The following ATXN7L1 variants were observed in gnomAD, a reference collection of about 807,000 sequenced individuals.
The protein encoded by ATXN7L1 is ataxin-7-like protein 1.
In ATXN7L1, 15 loss-of-function variants were observed where a neutral mutation model predicts 70.8. The ratio of observed to expected loss-of-function variants is 0.21; its 90% CI spans 0.14 to 0.33. ATXN7L1 has a LOEUF of 0.33. Ranked by LOEUF, ATXN7L1 falls within the 10% of genes least tolerant of loss-of-function variation. ATXN7L1 has a pLI of 1.00. For missense variants in ATXN7L1, 975 were observed against 1,097.1 expected, an observed-to-expected ratio of 0.89 and a Z score of 1.57; for synonymous variants, 440 against 445.1, an observed-to-expected ratio of 0.99 and a Z score of 0.14.
intron 8 of ATXN7L1, among the ~76,000 whole-genome samples, chr7:105,621,971 G>A (rs1343155650): frequency 6.6e-6 from 1 of 152,190 alleles, no homozygotes; most frequent in African/African-American, 2.4e-5. Context: ...GCACCTTCAT[G>A]TTAAGTGCTT....
At chr7:105,761,953 G>A (rs1318763786) in intron 3 of ATXN7L1, among the ~76,000 whole-genome samples, 1 of 152,202 alleles carries the variant, frequency 6.6e-6, no homozygotes, top group East Asian at 1.9e-4. Flanking sequence ...CCCTGGGGAT[G>A]ATAGGGGAGA....
At chr7:105,781,223 G>A (rs1282470749) in intron 3 of ATXN7L1, among the ~76,000 whole-genome samples, 10 of 150,288 alleles carry the variant, frequency 6.7e-5, no homozygotes, top group Admixed American at 6.7e-4. Context: ...AGGTAGTTAT[G>A]TAACTATATT....
intron 2 of ATXN7L1, among the ~76,000 whole-genome samples, chr7:105,810,541 G>A (rs1808280421): frequency 6.6e-6 from 1 of 152,254 alleles, no homozygotes; most frequent in African/African-American, 2.4e-5. Context: ...TATCTGAGCA[G>A]ACTAGAAGAA....
At chr7:105,858,370 T>C (rs1816046141) in intron 2 of ATXN7L1, among the ~76,000 whole-genome samples, 1 of 152,230 alleles carries the variant, frequency 6.6e-6, no homozygotes, top group Admixed American at 6.5e-5. Flanking sequence ...ATGGGAAAGA[T>C]GTCTTCTATA....
chr7:105,735,425 A>G (rs1563051178), intron 3 of ATXN7L1, among the ~76,000 whole-genome samples: 2 of 152,156 alleles, frequency 1.3e-5, no homozygotes, highest in Non-Finnish European at 2.9e-5. Context: ...TTTTTTTAAC[A>G]TGGTAAGGCA....
At chr7:105,786,201 G>A (rs1333013717) in intron 3 of ATXN7L1, among the ~76,000 whole-genome samples, 1 of 152,218 alleles carries the variant, frequency 6.6e-6, no homozygotes. Flanking sequence ...GCTTAACGGA[G>A]ACTGGGCTTT....
At chr7:105,787,327 G>A (rs1003902888) in intron 3 of ATXN7L1, among the ~76,000 whole-genome samples, 9 of 152,146 alleles carry the variant, frequency 5.9e-5, no homozygotes, top group African/African-American at 1.9e-4. Context: ...GCAGGGAGGG[G>A]CAGAAGACTT....
chr7:105,744,416 G>C (rs1461309953), intron 3 of ATXN7L1, among the ~76,000 whole-genome samples: 1 of 88,730 alleles, frequency 1.1e-5, no homozygotes, highest in Non-Finnish European at 2.0e-5. Flanking sequence ...CCCACACCAG[G>C]GGAATATTCT....
chr7:105,720,662 G>C (rs1427720553), intron 3 of ATXN7L1, among the ~76,000 whole-genome samples: 1 of 151,906 alleles, frequency 6.6e-6, no homozygotes, highest in Non-Finnish European at 1.5e-5. Context: ...GTAGAGACGG[G>C]GTCTCAATAT....
At chr7:105,838,065 T>C (rs959527325) in intron 2 of ATXN7L1, among the ~76,000 whole-genome samples, 5 of 152,208 alleles carry the variant, frequency 3.3e-5, no homozygotes, top group Non-Finnish European at 7.3e-5. Context: ...TGCAAATCAA[T>C]AACTTACATT....
At chr7:105,875,448 C>A (rs1243232236) in intron 2 of ATXN7L1, among the ~76,000 whole-genome samples, 1 of 152,076 alleles carries the variant, frequency 6.6e-6, no homozygotes, top group Non-Finnish European at 1.5e-5. Flanking sequence ...TGCATTCACC[C>A]ACGAGAAAGG....
intron 2 of ATXN7L1, among the ~76,000 whole-genome samples, chr7:105,845,509 C>A (rs1396398256): frequency 8.7e-6 from 1 of 115,224 alleles, no homozygotes; most frequent in Non-Finnish European, 2.0e-5. Flanking sequence ...TTTGTAAGTA[C>A]CCAGTCTTTT....
intron 2 of ATXN7L1, among the ~76,000 whole-genome samples, chr7:105,864,544 G>C (rs1483207495): frequency 6.6e-6 from 1 of 151,388 alleles, no homozygotes; most frequent in Non-Finnish European, 1.5e-5. Context: ...CCAGCCTGGG[G>C]CCGGGGGCAC....
At chr7:105,705,173 G>C (rs996370824) in intron 3 of ATXN7L1, among the ~76,000 whole-genome samples, 1 of 151,726 alleles carries the variant, frequency 6.6e-6, no homozygotes, top group Non-Finnish European at 1.5e-5. Flanking sequence ...TTACAGGTGC[G>C]TGCCTCCACG....
chr7:105,875,118 A>G (rs1563163828), intron 2 of ATXN7L1: 2 of 152,688 alleles, frequency 1.3e-5, no homozygotes, highest in South Asian at 4.1e-4. Context: ...TGATTTATTT[A>G]TGACGACCAT....
chr7:105,846,167 T>A (rs1814004938), intron 2 of ATXN7L1, among the ~76,000 whole-genome samples: 1 of 152,112 alleles, frequency 6.6e-6, no homozygotes, highest in African/African-American at 2.4e-5. Context: ...ATATAATTTC[T>A]TATACATATC....
intron 3 of ATXN7L1, among the ~76,000 whole-genome samples, chr7:105,669,737 T>C (rs899504575): frequency 5.9e-5 from 9 of 151,886 alleles, no homozygotes; most frequent in Non-Finnish European, 1.0e-4. Context: ...CAGACCAACA[T>C]GGGGAAACCC....
chr7:105,768,895 G>T (rs1403998601), intron 3 of ATXN7L1, among the ~76,000 whole-genome samples: 1 of 152,238 alleles, frequency 6.6e-6, no homozygotes, highest in African/African-American at 2.4e-5. Context: ...GTAAATGTTG[G>T]AAGTTTCATA....
chr7:105,672,479 T>C (rs913857537), intron 3 of ATXN7L1, among the ~76,000 whole-genome samples: 3 of 152,260 alleles, frequency 2.0e-5, no homozygotes, highest in African/African-American at 7.2e-5. Flanking sequence ...GTGCTGTAGA[T>C]TATTTAGCTA....
Sources: gnomAD v4.1 joint callset for allele counts (sites outside exome capture counted in the v4.1 genomes callset) on GRCh38, gnomAD v4.1.1 for gene constraint, MANE v1.5 for transcripts, NCBI Gene and HGNC (gene_info 2026-07-23, HGNC 2026-07-21) for gene names.